Variants in GRID2 observed in about 807,000 individuals in gnomAD.
GRID2 encodes glutamate receptor ionotropic, delta-2.
A neutral mutation model predicts 114.8 loss-of-function variants in GRID2; 33 were observed. The ratio of observed to expected loss-of-function variants is 0.29; its 90% CI spans 0.22 to 0.38. The LOEUF (loss-of-function observed/expected upper bound fraction) is 0.38. Among genes scored for constraint, GRID2 ranks in the 10% least tolerant of loss-of-function variants. GRID2 has a pLI of 1.00. For missense variants in GRID2, 1,184 were observed against 1,257.7 expected (o/e 0.94, Z 0.89); for synonymous variants, 505 against 449.9 (o/e 1.12, Z -1.55).
At chr4:93,532,118 T>C (rs1023097016) in intron 13 of GRID2, among the ~76,000 whole-genome samples, 5 of 152,188 alleles carry the variant, frequency 3.3e-5, no homozygotes, top group Non-Finnish European at 5.9e-5. Context: ...ACGTTGCACA[T>C]AATTTGTAAT....
At chr4:92,824,367 TTTTG>T (rs972237701) in intron 2 of GRID2, among the ~76,000 whole-genome samples, 1 of 152,148 alleles carries the variant, frequency 6.6e-6, no homozygotes, top group Admixed American at 6.6e-5. Context: ...TCCCCATTTC[TTTTG>T]TTTGTTTGTT....
chr4:92,400,807 G>A (rs1320110397), intron 1 of GRID2, among the ~76,000 whole-genome samples: 1 of 151,992 alleles, frequency 6.6e-6, no homozygotes, highest in East Asian at 1.9e-4. Flanking sequence ...TGTGAGTGTG[G>A]TGTCCAATTG....
At chr4:92,662,296 A>G (rs1732559271) in intron 2 of GRID2, among the ~76,000 whole-genome samples, 1 of 151,024 alleles carries the variant, frequency 6.6e-6, no homozygotes, top group Non-Finnish European at 1.5e-5. Flanking sequence ...AGAAGGAAGC[A>G]TATATTTACT....
At chr4:92,456,718 A>G (rs1343165897) in intron 1 of GRID2, among the ~76,000 whole-genome samples, 4 of 152,168 alleles carry the variant, frequency 2.6e-5, no homozygotes, top group Non-Finnish European at 5.9e-5. Flanking sequence ...AGCAATATGT[A>G]AATTACAGCA....
intron 2 of GRID2, among the ~76,000 whole-genome samples, chr4:92,855,015 A>G (rs1050975169): frequency 7.2e-5 from 11 of 152,214 alleles, no homozygotes; most frequent in African/African-American, 2.4e-4. Flanking sequence ...GTTTTATTCA[A>G]TAAAAGTTCT....
intron 4 of GRID2, among the ~76,000 whole-genome samples, chr4:93,180,411 T>C (rs1293630615): frequency 6.6e-6 from 1 of 152,048 alleles, no homozygotes. Flanking sequence ...TGATGAAGAG[T>C]CTTGCCAGGA....
chr4:93,736,649 G>T (rs1441493679), intron 14 of GRID2, among the ~76,000 whole-genome samples: 2 of 151,820 alleles, frequency 1.3e-5, no homozygotes, highest in Non-Finnish European at 2.9e-5. Flanking sequence ...AATAATAATG[G>T]TTTGCTATTC....
intron 2 of GRID2, among the ~76,000 whole-genome samples, chr4:92,677,889 C>A (rs543321301): frequency 2.0e-5 from 3 of 152,130 alleles, no homozygotes; most frequent in East Asian, 3.9e-4. Flanking sequence ...AGTTATGTTA[C>A]GTAAATCAGA....
At chr4:93,196,336 G>A (rs1741487920) in intron 4 of GRID2, among the ~76,000 whole-genome samples, 1 of 152,124 alleles carries the variant, frequency 6.6e-6, no homozygotes, top group East Asian at 1.9e-4. Flanking sequence ...CAAAACACAA[G>A]TAGCTTAGGA....
chr4:92,515,935 T>C (rs1288287309), intron 1 of GRID2, among the ~76,000 whole-genome samples: 1 of 151,942 alleles, frequency 6.6e-6, no homozygotes, highest in African/African-American at 2.4e-5. Context: ...TTTAAAAAAT[T>C]GATAGTCAGG....
chr4:92,495,942 A>G (rs756030886), intron 1 of GRID2, among the ~76,000 whole-genome samples: 5 of 151,904 alleles, frequency 3.3e-5, no homozygotes, highest in African/African-American at 4.8e-5. Context: ...TTTTGATGCA[A>G]CTATGAGCCA....
intron 14 of GRID2, among the ~76,000 whole-genome samples, chr4:93,726,169 T>G (rs1729867324): frequency 6.6e-6 from 1 of 152,208 alleles, no homozygotes; most frequent in South Asian, 2.1e-4. Context: ...GTATAAGGTG[T>G]AAGGAAGGGA....
chr4:93,567,533 A>T (rs1735545370), intron 13 of GRID2, among the ~76,000 whole-genome samples: 1 of 152,228 alleles, frequency 6.6e-6, no homozygotes, highest in Non-Finnish European at 1.5e-5. Context: ...TATCTCTTAA[A>T]ATTTCCTTAT....
rs573926494 is a variant in GRID2 at position 92,668,871 on chromosome 4, A to G, written c.244+78585A>G. Among the ~76,000 whole-genome samples the G allele has an allele frequency of 5.9e-5, 9 of 152,032 alleles. No individual in the cohort carries two copies. The East Asian group carries it at 1.5e-3, about 26-fold the overall frequency. On this transcript the variant is annotated intron_variant, in intron 2 of 15. Transcript: ENST00000282020. ...AATTAACATATTTACTAGATTGACA[A>G]CATTAAGTATAAACAGATAGACATG...
chr4:93,696,923 C>T (rs574328623), intron 14 of GRID2, among the ~76,000 whole-genome samples: 2 of 152,212 alleles, frequency 1.3e-5, no homozygotes, highest in East Asian at 1.9e-4. Context: ...ACATGCAATT[C>T]GTTCCACATT....
chr4:92,700,537 A>G (rs1464871627), intron 2 of GRID2, among the ~76,000 whole-genome samples: 2 of 152,068 alleles, frequency 1.3e-5, no homozygotes, highest in East Asian at 3.9e-4. Flanking sequence ...TTTTTCCGTT[A>G]ATTTATTTCC....
chr4:93,547,264 T>TG (rs1442130320), intron 13 of GRID2, among the ~76,000 whole-genome samples: 1 of 152,174 alleles, frequency 6.6e-6, no homozygotes, highest in African/African-American at 2.4e-5. Flanking sequence ...TGATGGGGAA[T>TG]GGGGGATGGA....
At chr4:92,640,669 C>G (rs1731298706) in intron 2 of GRID2, among the ~76,000 whole-genome samples, 1 of 151,704 alleles carries the variant, frequency 6.6e-6, no homozygotes, top group Admixed American at 6.6e-5. Context: ...GAATGAAACA[C>G]AGCAAGTACT....
intron 1 of GRID2, among the ~76,000 whole-genome samples, chr4:92,482,742 G>C (rs1326185161): frequency 1.3e-5 from 2 of 152,212 alleles, no homozygotes; most frequent in African/African-American, 4.8e-5. Flanking sequence ...AAAGAATCTA[G>C]AGACGCATAA....
Sources: allele counts gnomAD v4.1 joint callset (sites outside exome capture counted in the v4.1 genomes callset), GRCh38; gene constraint gnomAD v4.1.1; transcripts MANE v1.5; gene names NCBI Gene and HGNC (gene_info 2026-07-23, HGNC 2026-07-21).